The following MED13L variants were observed in gnomAD, a reference collection of about 807,000 sequenced individuals.
The protein encoded by MED13L is mediator of RNA polymerase II transcription subunit 13-like.
In MED13L, 7 loss-of-function variants were observed where a neutral mutation model predicts 220.9. That is an observed-to-expected ratio of 0.03 (90% CI 0.02 to 0.06). The LOEUF (loss-of-function observed/expected upper bound fraction) is 0.06. Ranked by LOEUF, MED13L falls within the 10% of genes least tolerant of loss-of-function variation. The pLI is 1.00. For synonymous variants in MED13L, 1,011 were observed against 1,015.2 expected (o/e 1.00, Z 0.08); for missense variants, 1,965 against 2,760.5 (o/e 0.71, Z 6.46).
chr12:116,243,276 C>T (rs979354322), intron 1 of MED13L, among the ~76,000 whole-genome samples: 1 of 152,100 alleles, frequency 6.6e-6, no homozygotes, highest in African/African-American at 2.4e-5. Flanking sequence ...GAACTTAACC[C>T]ATTTATGCAG....
intron 4 of MED13L, among the ~76,000 whole-genome samples, chr12:116,072,401 TAA>T (rs1870445828): frequency 6.6e-6 from 1 of 152,258 alleles, no homozygotes; most frequent in Non-Finnish European, 1.5e-5. Flanking sequence ...CTGAATTTTC[TAA>T]AGAGACTTCT....
At chr12:116,236,918 A>G in intron 2 of MED13L, 1 of 971,556 alleles carries the variant, frequency 1.0e-6, no homozygotes, top group East Asian at 1.1e-4. Context: ...CATGAAAAAC[A>G]GAAATAAAAG....
intron 2 of MED13L, among the ~76,000 whole-genome samples, chr12:116,233,735 A>G (rs1235519662): frequency 6.6e-6 from 1 of 152,202 alleles, no homozygotes; most frequent in Non-Finnish European, 1.5e-5. Context: ...AAGTTAAATA[A>G]TTAGATCAAG....
intron 2 of MED13L, among the ~76,000 whole-genome samples, chr12:116,207,043 T>A (rs918130592): frequency 6.6e-6 from 1 of 151,682 alleles, no homozygotes; most frequent in Non-Finnish European, 1.5e-5. Flanking sequence ...ACAAAGAAAA[T>A]CTCTAGGTAT....
chr12:116,018,808 T>G (rs1012358714), intron 7 of MED13L, among the ~76,000 whole-genome samples: 4 of 150,872 alleles, frequency 2.7e-5, no homozygotes, highest in East Asian at 3.9e-4. Context: ...GGGAAAAGAG[T>G]TGTTCAAGGC....
intron 25 of MED13L, 51 bp from the exon 26 acceptor site, chr12:115,972,287 G>A: frequency 6.2e-7 from 1 of 1,600,860 alleles, no homozygotes; most frequent in Non-Finnish European, 8.5e-7. Flanking sequence ...TCATACTGAT[G>A]GGAGATTTGA....
chr12:116,203,784 G>A, intron 2 of MED13L, among the ~76,000 whole-genome samples: 1 of 151,998 alleles, frequency 6.6e-6, no homozygotes, highest in East Asian at 1.9e-4. Flanking sequence ...TCACGCCACT[G>A]CACTCCAGCC....
chr12:116,202,236 A>C (rs1212810152), intron 2 of MED13L, among the ~76,000 whole-genome samples: 1 of 152,230 alleles, frequency 6.6e-6, no homozygotes, highest in Non-Finnish European at 1.5e-5. Context: ...CAGAGGCAAG[A>C]AGCATTATTA....
At chr12:116,161,826 TCTAAC>T (rs1313792746) in intron 2 of MED13L, among the ~76,000 whole-genome samples, 5 of 152,198 alleles carry the variant, frequency 3.3e-5, no homozygotes, top group African/African-American at 1.2e-4. Context: ...CCCTTGTGTT[TCTAAC>T]CTAACCACTC....
At chr12:116,258,785 A>G (rs1404929323) in intron 1 of MED13L, among the ~76,000 whole-genome samples, 1 of 151,844 alleles carries the variant, frequency 6.6e-6, no homozygotes, top group Non-Finnish European at 1.5e-5. Flanking sequence ...CAGAAAAAAA[A>G]AAAAAAAAAA....
intron 2 of MED13L, among the ~76,000 whole-genome samples, chr12:116,207,588 T>C (rs1173149763): frequency 6.6e-6 from 1 of 152,154 alleles, no homozygotes; most frequent in Non-Finnish European, 1.5e-5. Context: ...ATGGCAGTGT[T>C]GTTATTCTAA....
At chr12:115,980,675 T>C in intron 23 of MED13L, 75 bp downstream of exon 23, 1 of 1,490,258 alleles carries the variant, frequency 6.7e-7, no homozygotes, top group East Asian at 2.3e-5. Flanking sequence ...AGCCAATCTC[T>C]GGGTTAGATA....
chr12:116,262,580 T>C (rs930185579), intron 1 of MED13L, among the ~76,000 whole-genome samples: 4 of 152,202 alleles, frequency 2.6e-5, no homozygotes, highest in African/African-American at 9.6e-5. Flanking sequence ...TGTTTTTCCA[T>C]CTGGAATATT....
chr12:116,143,769 A>G (rs1593095303), intron 2 of MED13L, among the ~76,000 whole-genome samples: 1 of 152,340 alleles, frequency 6.6e-6, no homozygotes, highest in East Asian at 1.9e-4. Context: ...GAGATTACTT[A>G]TATCTCTAGA....
chr12:116,006,709 C>T, intron 11 of MED13L: 2 of 446,114 alleles, frequency 4.5e-6, no homozygotes, highest in Non-Finnish European at 8.2e-6. Flanking sequence ...TTAAAAGCTG[C>T]CTTTAACAAC....
chr12:116,251,616 G>C (rs1398136457), intron 1 of MED13L, among the ~76,000 whole-genome samples: 1 of 150,988 alleles, frequency 6.6e-6, no homozygotes. Context: ...TAAAACATTA[G>C]CCAGCATGGT....
chr12:116,049,176 A>G (rs1286492786), intron 4 of MED13L, among the ~76,000 whole-genome samples: 1 of 152,218 alleles, frequency 6.6e-6, no homozygotes, highest in Non-Finnish European at 1.5e-5. Context: ...AAACAAAGAC[A>G]CAACTGAAAT....
chr12:116,101,325 C>G (rs1940892650), intron 3 of MED13L, among the ~76,000 whole-genome samples: 1 of 152,072 alleles, frequency 6.6e-6, no homozygotes, highest in South Asian at 2.1e-4. Context: ...TATTTAAGTG[C>G]CCACTATGTA....
rs183030284 is a variant in MED13L, at chr12:116,166,576, T to A, written c.311-55064A>T. On this transcript the variant is annotated intron_variant, in intron 2 of 30. Coordinates refer to ENST00000281928, the MANE Select transcript of MED13L (RefSeq NM_015335.5). ...TCCAGCCTGGGCAACAGAGCAAGAC[T>A]CTGTCATTAATAAATAAATAAATAA... 2.6e-5 allele frequency among the ~76,000 whole-genome samples: 4 copies of A among 152,272 alleles called. No homozygotes were observed. In the East Asian group the frequency reaches 7.7e-4, roughly 29 times the overall value.
Sources: gnomAD v4.1 joint callset for allele counts (sites outside exome capture counted in the v4.1 genomes callset) on GRCh38, gnomAD v4.1.1 for gene constraint, MANE v1.5 for transcripts, NCBI Gene and HGNC (gene_info 2026-07-23, HGNC 2026-07-21) for gene names.